The following ITPK1 variants were observed in gnomAD, a reference collection of about 807,000 sequenced individuals.
ITPK1 encodes inositol-tetrakisphosphate 1-kinase.
ITPK1 carries 21 observed loss-of-function variants against 45.3 expected under a neutral mutation model. The observed-to-expected ratio is 0.46, with a 90% CI of 0.33 to 0.67. The LOEUF (loss-of-function observed/expected upper bound fraction) is 0.67, where lower values mean the gene tolerates loss of function less well. Ranked by LOEUF, ITPK1 falls within the 30% of genes least tolerant of loss-of-function variation. The pLI is 0.02. For synonymous variants in ITPK1, 258 were observed against 253.6 expected (o/e 1.02, Z -0.16); for missense variants, 474 against 573.5 (o/e 0.83, Z 1.77).
intron 10 of ITPK1, among the ~76,000 whole-genome samples, chr14:92,945,218 G>C (rs944856700): frequency 1.1e-4 from 16 of 152,254 alleles, no homozygotes; most frequent in African/African-American, 3.9e-4. Context: ...CAGCAGCCCT[G>C]GGTAAACACC....
Position 92,939,583 on chromosome 14 carries a change from C to T in ITPK1, c.*1978G>A, listed in dbSNP as rs1339954333. The T allele has an allele frequency of 1.5e-6, 1 of 663,552 alleles. No homozygotes were observed. The highest frequency in any genetic ancestry group is 1.9e-6 in the Non-Finnish European group (1 of 535,838). The allele number at this position is 663,552 out of a possible 1,614,324, so 41.1% of individuals were successfully genotyped here. A position where few individuals can be genotyped will look rare whatever the true frequency, so the allele number is the denominator to read the frequency against. Reference sequence around the variant, plus strand: ...TGGAAAATGCAGCTGCCCTGCACACCCACAGCCCCGCCCCCGCCCCACCAC... The same window carrying T: ...TGGAAAATGCAGCTGCCCTGCACACTCACAGCCCCGCCCCCGCCCCACCAC... On this transcript the variant is annotated 3_prime_UTR_variant, in exon 11 of 11. Coordinates refer to ENST00000267615, the MANE Select transcript of ITPK1 (RefSeq NM_014216.6).
intron 7 of ITPK1, among the ~76,000 whole-genome samples, chr14:92,959,709 T>TA (rs869110637): frequency 8.3e-4 from 118 of 141,934 alleles, no homozygotes; most frequent in Middle Eastern, 3.6e-3. Flanking sequence ...AGTTATAGCT[T>TA]AAAAAAAAAA....
At chr14:92,963,570 C>T (rs1012400616) in intron 5 of ITPK1, among the ~76,000 whole-genome samples, 9 of 152,200 alleles carry the variant, frequency 5.9e-5, no homozygotes, top group African/African-American at 1.7e-4. Flanking sequence ...CAGCCCAGGC[C>T]GCGCCTGGTC....
intron 4 of ITPK1, among the ~76,000 whole-genome samples, chr14:92,998,177 C>A (rs1212549029): frequency 1.3e-5 from 2 of 152,212 alleles, no homozygotes; most frequent in Admixed American, 1.3e-4. Context: ...CTGCTGTGGG[C>A]ATCATGGAGA....
At chr14:93,059,663 C>T (rs866444406) in intron 3 of ITPK1, among the ~76,000 whole-genome samples, 15 of 41,206 alleles carry the variant, frequency 3.6e-4, no homozygotes, top group Non-Finnish European at 4.8e-4. Context: ...GTGTGGGTCA[C>T]GGTCACGAGG....
rs1224375210 is a variant in ITPK1, at chr14:92,939,215, G to A, written c.*2346C>T. The A allele has an allele frequency of 1.3e-5, 2 of 152,374 alleles. No homozygotes were observed. Among genetic ancestry groups the A allele is most frequent in the Non-Finnish European group, 2.9e-5 (2 of 68,150 alleles). 9.4% of individuals were successfully genotyped at this position (152,374 alleles called of 1,614,324 possible). The stretch of plus-strand genomic sequence containing the variant: ...CGCCACCATGCTCTGGAGAAGAGGA[G>A]GCCGCCAGAGCCCGGGTGGTTTTAG... On this transcript the variant is annotated 3_prime_UTR_variant, in exon 11 of 11. Transcript: ENST00000267615.
chr14:92,949,328 G>A (rs1049856836), intron 9 of ITPK1, among the ~76,000 whole-genome samples: 11 of 152,198 alleles, frequency 7.2e-5, no homozygotes, highest in African/African-American at 2.4e-4. Flanking sequence ...TCAAACTCCT[G>A]GGCTCAAGCG....
intron 3 of ITPK1, among the ~76,000 whole-genome samples, 200 bp from the exon 4 acceptor site, chr14:93,017,001 TTC>T (rs2139857088): frequency 6.6e-6 from 1 of 152,182 alleles, no homozygotes; most frequent in African/African-American, 2.4e-5. Flanking sequence ...CCCACAACTC[TTC>T]TCTCCTGCTA....
rs191896034 is a variant in ITPK1, at chr14:93,034,426, G to A, written c.121-17625C>T. Among the ~76,000 whole-genome samples the A allele has an allele frequency of 0.011, 1,639 of 152,268 alleles. 14 individuals carry two copies. Among genetic ancestry groups the A allele is most frequent in the Non-Finnish European group, 0.017 (1,149 of 68,022 alleles). ...GGCCCTACAGGCCTCCTCAGAGGGC[G>A]ACTCCGGCCCCTCTGCCCAGTCTGT... On this transcript the variant is annotated intron_variant, in intron 3 of 10. Transcript: ENST00000267615. The surrounding 1 kb of genome is among the most constrained non-coding windows in gnomAD (Gnocchi z 4.1).
intron 8 of ITPK1, among the ~76,000 whole-genome samples, chr14:92,957,624 C>T (rs902583437): frequency 2.0e-5 from 3 of 152,204 alleles, no homozygotes; most frequent in African/African-American, 7.2e-5. Flanking sequence ...CCTAGACCAC[C>T]GTCCACTGAC....
intron 2 of ITPK1, among the ~76,000 whole-genome samples, chr14:93,087,516 C>T (rs749855551): frequency 2.2e-4 from 34 of 152,228 alleles, no homozygotes; most frequent in Non-Finnish European, 4.3e-4. Context: ...CACAGTGAGA[C>T]CCCCATCTCT....
chr14:93,051,694 C>T (rs767904511), intron 3 of ITPK1, among the ~76,000 whole-genome samples: 4 of 152,066 alleles, frequency 2.6e-5, no homozygotes, highest in Admixed American at 6.5e-5. Context: ...AAGCAGGTAC[C>T]CCTTCAAGGA....
chr14:92,966,839 G>A (rs1427129954), intron 5 of ITPK1, among the ~76,000 whole-genome samples: 1 of 152,172 alleles, frequency 6.6e-6, no homozygotes, highest in African/African-American at 2.4e-5. Flanking sequence ...CAATTCAAGG[G>A]GCGGAAAGAA....
intron 4 of ITPK1, among the ~76,000 whole-genome samples, chr14:92,996,133 G>C (rs1566723571): frequency 6.6e-6 from 1 of 152,214 alleles, no homozygotes; most frequent in Non-Finnish European, 1.5e-5. Flanking sequence ...CCTAGTCCCA[G>C]CTCCTTGGGA....
At chr14:93,097,245 C>T (rs1892115778) in intron 2 of ITPK1, among the ~76,000 whole-genome samples, 1 of 152,338 alleles carries the variant, frequency 6.6e-6, no homozygotes, top group East Asian at 1.9e-4. Context: ...ACACCTCCGC[C>T]AAGGGGTAAA....
intron 3 of ITPK1, among the ~76,000 whole-genome samples, chr14:93,052,500 G>C (rs1462936710): frequency 6.6e-6 from 1 of 152,162 alleles, no homozygotes; most frequent in Non-Finnish European, 1.5e-5. Context: ...ACCCAGGGAG[G>C]CCTGGTCTGG....
intron 5 of ITPK1, among the ~76,000 whole-genome samples, chr14:92,983,842 G>C (rs1886354462): frequency 1.3e-5 from 2 of 151,822 alleles, no homozygotes; most frequent in South Asian, 2.1e-4. Context: ...ATCCAAACAA[G>C]ACTGGAATGA....
chr14:92,976,400 C>A (rs1885942946), intron 5 of ITPK1, among the ~76,000 whole-genome samples: 1 of 152,214 alleles, frequency 6.6e-6, no homozygotes, highest in African/African-American at 2.4e-5. Context: ...GGTCCCTGAG[C>A]TGCCAAGTCA....
intron 3 of ITPK1, among the ~76,000 whole-genome samples, chr14:93,055,682 A>G (rs1210401056): frequency 2.6e-5 from 4 of 152,026 alleles, no homozygotes; most frequent in Non-Finnish European, 5.9e-5. Context: ...TCCCTCCCAC[A>G]GCGCCTTTCC....
Sources: gnomAD v4.1 joint callset for allele counts (sites outside exome capture counted in the v4.1 genomes callset) on GRCh38, gnomAD v4.1.1 for gene constraint, Gnocchi (gnomAD v3.1) non-coding constraint, MANE v1.5 for transcripts, NCBI Gene and HGNC (gene_info 2026-07-23, HGNC 2026-07-21) for gene names.